KDM2A: variants seen among roughly 807,000 people sequenced by gnomAD.
The protein encoded by KDM2A is lysine demethylase 2A.
Under a neutral mutation model 137.3 loss-of-function variants are expected in KDM2A, and 3 were observed. The observed-to-expected ratio is 0.02, with a 90% CI of 0.01 to 0.06. KDM2A has a LOEUF of 0.06. Among genes scored for constraint, KDM2A ranks in the 10% least tolerant of loss-of-function variants. KDM2A has a pLI of 1.00. For synonymous variants in KDM2A, 512 were observed against 541.5 expected (o/e 0.95, Z 0.76); for missense variants, 738 against 1,510.6 (o/e 0.49, Z 8.48).
intron 8 of KDM2A, among the ~76,000 whole-genome samples, chr11:67,216,410 G>T (rs1244004746): frequency 6.6e-6 from 1 of 152,186 alleles, no homozygotes; most frequent in Admixed American, 6.5e-5. Context: ...TCCTTTTTGA[G>T]GATGTAAACA....
chr11:67,247,037 T>TTTTA (rs1160586326), intron 15 of KDM2A, among the ~76,000 whole-genome samples: 21 of 33,074 alleles, frequency 6.3e-4, no homozygotes, highest in African/African-American at 2.1e-3. Flanking sequence ...ATAAATTATT[T>TTTTA]TATATATATA....
In KDM2A at chr11:67,256,331, G is replaced by A. The variant is rs1265622491; in HGVS notation, c.*1276G>A. 6.6e-6 allele frequency: 1 copy of A among 152,384 alleles called. No homozygotes were observed. The highest frequency in any genetic ancestry group is 1.5e-5 in the Non-Finnish European group (1 of 67,994). 9.4% of individuals were successfully genotyped at this position (152,384 alleles called of 1,614,324 possible). On this transcript the variant is annotated 3_prime_UTR_variant, in exon 21 of 21. Transcript: ENST00000529006. Reference sequence around the variant, plus strand: ...GTCCAAAGATCCTCTCTCTAGGGCAGCAGAGAGCTTTTTGCACTTTAAAAA... The same window carrying A: ...GTCCAAAGATCCTCTCTCTAGGGCAACAGAGAGCTTTTTGCACTTTAAAAA...
chr11:67,179,337 G>A (rs1054392827), intron 2 of KDM2A, among the ~76,000 whole-genome samples: 1 of 152,028 alleles, frequency 6.6e-6, no homozygotes, highest in African/African-American at 2.4e-5. Context: ...GCAATGGCAC[G>A]ATCTTGGCTC....
chr11:67,191,786 C>T (rs145920683), intron 5 of KDM2A, among the ~76,000 whole-genome samples: 9 of 152,260 alleles, frequency 5.9e-5, no homozygotes, highest in African/African-American at 1.2e-4. Context: ...AGCGTAAAGG[C>T]GCCTGCTTTT....
At position 67,254,203 on chromosome 11, in the gene KDM2A, G is replaced by C; in HGVS notation, c.3092G>C (p.Gly1031Ala). The stretch of plus-strand genomic sequence containing the variant: ...CTAGGCTCTTCTCTTGCCTGTACAG[G>C]TCAGGACAATCGCAGCAAGCTCCGG... ...DLLTPPADKPGQDNRSKLRNM... is the reference protein window; with the variant it reads ...DLLTPPADKPAQDNRSKLRNM... The change falls in exon 20 of 21, where the codon GGT becomes GCT. Residue 1031 changes from glycine (G) to alanine (A), a missense_variant and splice_region_variant. By Grantham distance (60) the Gly-to-Ala change is moderately conservative (BLOSUM62 0). This residue lies in a region of KDM2A where 166 missense variants were observed against 324.0 expected (regional missense o/e 0.51). Coordinates refer to ENST00000529006, the MANE Select transcript of KDM2A (RefSeq NM_012308.3). This position sits in a 1 kb window ranked among gnomAD's most constrained non-coding sequence, Gnocchi z 4.7. 1 of 1,613,544 alleles carries C rather than the reference G, an allele frequency of 6.2e-7. No homozygotes were observed. Among genetic ancestry groups the C allele is most frequent in the Non-Finnish European group, 8.5e-7 (1 of 1,179,612 alleles).
Position 67,250,341 on chromosome 11 carries a change from A to G in KDM2A, c.2311A>G (p.Thr771Ala). ...QLLRLQATERTMVREKENNPS... is the reference protein window; with the variant it reads ...QLLRLQATERAMVREKENNPS... ...GCTGCGGCTGCAGGCCACAGAGCGC[A>G]CCATGGTACGGGAAAAGGAGAACAA... Residue 771 changes from threonine to alanine, a missense_variant, in exon 17 of 21, where the codon ACC (threonine) becomes GCC (alanine). Physicochemically the swap from Thr to Ala is moderately conservative, Grantham distance 58. Transcript: ENST00000529006. The surrounding 1 kb of genome is among the most constrained non-coding windows in gnomAD (Gnocchi z 7.1). The G allele has an allele frequency of 6.2e-7, 1 of 1,613,958 alleles. No homozygotes were observed. The highest frequency in any genetic ancestry group is 1.3e-5 in the African/African-American group (1 of 75,056).
chr11:67,186,571 T>C (rs1207789566), intron 5 of KDM2A, among the ~76,000 whole-genome samples: 1 of 152,196 alleles, frequency 6.6e-6, no homozygotes, highest in Non-Finnish European at 1.5e-5. Flanking sequence ...TGAAGAAATA[T>C]CTCGATAAAG....
chr11:67,187,187 T>A (rs144261445), intron 5 of KDM2A, among the ~76,000 whole-genome samples: 108 of 152,308 alleles, frequency 7.1e-4, no homozygotes, highest in African/African-American at 2.4e-3. Flanking sequence ...AATTTACACA[T>A]TTCACCAAAT....
At chr11:67,146,040 G>T in intron 2 of KDM2A, among the ~76,000 whole-genome samples, 1 of 146,444 alleles carries the variant, frequency 6.8e-6, no homozygotes, top group South Asian at 2.1e-4. Flanking sequence ...TTGCCAGGCT[G>T]GAGTGCAGTG....
intron 15 of KDM2A, among the ~76,000 whole-genome samples, chr11:67,247,038 TATATATATATATATATATATATATATA>T (rs1859244424): frequency 3.5e-4 from 6 of 17,162 alleles, no homozygotes; most frequent in African/African-American, 7.1e-4. Flanking sequence ...TAAATTATTT[TATATATATATATATATATATATATATA>T]TATATATTTT....
At chr11:67,248,238 G>C (rs1162068372) in intron 15 of KDM2A, 43 bp from the exon 16 acceptor site, 1 of 1,373,542 alleles carries the variant, frequency 7.3e-7, no homozygotes, top group Admixed American at 1.9e-5. Flanking sequence ...GATAAAGGAA[G>C]CTTGAGAGAC....
chr11:67,200,730 C>A (rs968326265), intron 5 of KDM2A, among the ~76,000 whole-genome samples: 1 of 151,262 alleles, frequency 6.6e-6, no homozygotes, highest in Non-Finnish European at 1.5e-5. Flanking sequence ...TGGTTTAGAA[C>A]TCCTGGGCTC....
chr11:67,135,343 C>T (rs1029690939), intron 2 of KDM2A, among the ~76,000 whole-genome samples: 3 of 152,124 alleles, frequency 2.0e-5, no homozygotes, highest in South Asian at 2.1e-4. Flanking sequence ...GGATTACAAG[C>T]GTGAGCCACC....
intron 2 of KDM2A, among the ~76,000 whole-genome samples, chr11:67,140,768 C>T (rs148350087): frequency 1.3e-5 from 2 of 151,962 alleles, no homozygotes; most frequent in South Asian, 2.1e-4. Context: ...AAAAAAGTTA[C>T]AAGTATACTT....
At chr11:67,165,535 A>T (rs1380877984) in intron 2 of KDM2A, among the ~76,000 whole-genome samples, 1 of 152,210 alleles carries the variant, frequency 6.6e-6, no homozygotes, top group Non-Finnish European at 1.5e-5. Context: ...TTGTTGATTA[A>T]GAGACTGACC....
intron 9 of KDM2A, among the ~76,000 whole-genome samples, chr11:67,218,233 T>C (rs1178351046): frequency 6.6e-6 from 1 of 152,250 alleles, no homozygotes; most frequent in Non-Finnish European, 1.5e-5. Context: ...AGGGAATGGC[T>C]GTGAAGGCTG....
chr11:67,219,516 A>G, intron 10 of KDM2A, 113 bp downstream of exon 10: 1 of 517,622 alleles, frequency 1.9e-6, no homozygotes, highest in Non-Finnish European at 3.2e-6. Context: ...TTCAGTTAAA[A>G]TGCAGTGTTG....
rs1590824032 is a variant in KDM2A at position 67,245,359 on chromosome 11, G to A, written c.1734G>A (p.Val578=). The A allele has an allele frequency of 1.2e-6, 2 of 1,613,914 alleles. No individual in the cohort carries two copies. The highest frequency in any genetic ancestry group is 1.3e-5 in the African/African-American group (1 of 74,930). The change falls in exon 14 of 21, where the codon GTG becomes GTA. Residue 578 remains valine, a synonymous_variant. Transcript: ENST00000529006. The surrounding 1 kb of genome is among the most constrained non-coding windows in gnomAD (Gnocchi z 4.1). ...RVRCRKCKAC[V]QGECGVCHYC... is the part of the protein sequence containing the mutation. ...GATGTCGAAAATGCAAAGCCTGTGT[G>A]CAAGGAGAGTGTGGTGTTTGCCACT...
intron 10 of KDM2A, among the ~76,000 whole-genome samples, chr11:67,221,619 G>T (rs1296064931): frequency 6.6e-6 from 1 of 152,148 alleles, no homozygotes; most frequent in Non-Finnish European, 1.5e-5. Context: ...AAGAGAGGAA[G>T]CCAGTGCTTC....
Sources: allele counts gnomAD v4.1 joint callset (sites outside exome capture counted in the v4.1 genomes callset), GRCh38; gene constraint gnomAD v4.1.1; regional missense constraint gnomAD v4.1.1; non-coding constraint Gnocchi (gnomAD v3.1); transcripts MANE v1.5; gene names NCBI Gene and HGNC (gene_info 2026-07-23, HGNC 2026-07-21).